Variants in SPATA13 observed in about 807,000 individuals in gnomAD.
The protein encoded by SPATA13 is spermatogenesis-associated protein 13.
Under a neutral mutation model 104.0 loss-of-function variants are expected in SPATA13, and 50 were observed. The observed-to-expected ratio is 0.48, with a 90% CI of 0.38 to 0.61. The LOEUF is 0.61. Ranked by LOEUF, SPATA13 falls within the 20% of genes least tolerant of loss-of-function variation. The probability of loss-of-function intolerance (pLI) is 0.00; values close to 1 mark genes in which losing one functional copy is unlikely to be tolerated. For synonymous variants in SPATA13, 606 were observed against 667.5 expected, an observed-to-expected ratio of 0.91 and a Z score of 1.42; for missense variants, 1,524 against 1,690.6, an observed-to-expected ratio of 0.90 and a Z score of 1.73.
chr13:24,041,960 T>A (rs750861589), intron 3 of SPATA13, among the ~76,000 whole-genome samples: 1 of 152,178 alleles, frequency 6.6e-6, no homozygotes, highest in Non-Finnish European at 1.5e-5. Flanking sequence ...CCTCATGCTG[T>A]TCGAAAAATG....
In SPATA13 at chr13:24,219,916, T is replaced by G. The variant is rs2031158; in HGVS notation, c.-111-2903T>G. ...CAGTTACCCCATTTGCAAGGAACTT[T>G]GCTGGTTTCAACCCTGAAAGTCCCA... is the stretch of plus-strand genomic sequence containing the variant. On this transcript the variant is annotated intron_variant, in intron 1 of 12. Transcript: ENST00000382108. Among the ~76,000 whole-genome samples, 2,531 of 152,318 alleles carry G rather than the reference T, an allele frequency of 0.017. 133 individuals carry two copies. The East Asian group carries it at 0.18, about 11-fold the overall frequency.
intron 1 of SPATA13, among the ~76,000 whole-genome samples, chr13:24,193,791 G>A (rs1869901907): frequency 6.6e-6 from 1 of 152,188 alleles, no homozygotes; most frequent in South Asian, 2.1e-4. Context: ...TCCTCAGTGA[G>A]CAATTGTTGG....
At chr13:24,280,468 T>C (rs1207725584) in intron 4 of SPATA13, among the ~76,000 whole-genome samples, 3 of 149,838 alleles carry the variant, frequency 2.0e-5, no homozygotes, top group Admixed American at 6.7e-5. Flanking sequence ...GAAGCCCCAA[T>C]GCCTTTATTT....
chr13:24,066,665 G>A (rs937456371), intron 3 of SPATA13, among the ~76,000 whole-genome samples: 1 of 152,136 alleles, frequency 6.6e-6, no homozygotes, highest in East Asian at 1.9e-4. Context: ...GGGCCAGGAG[G>A]GGTCTGTTTT....
chr13:24,213,023 C>G (rs1393058737), intron 1 of SPATA13, among the ~76,000 whole-genome samples: 2 of 152,250 alleles, frequency 1.3e-5, no homozygotes, highest in Non-Finnish European at 2.9e-5. Context: ...GAGGAAGTTA[C>G]AGTGATGACA....
At chr13:24,071,151 A>G (rs556771747) in intron 3 of SPATA13, among the ~76,000 whole-genome samples, 1 of 152,312 alleles carries the variant, frequency 6.6e-6, no homozygotes, top group Admixed American at 6.5e-5. Flanking sequence ...AAGCCCAGTC[A>G]TAAACTGCTT....
At chr13:23,997,882 A>G (rs980158518) in intron 2 of SPATA13, among the ~76,000 whole-genome samples, 4 of 152,156 alleles carry the variant, frequency 2.6e-5, no homozygotes, top group East Asian at 1.9e-4. Flanking sequence ...ACTAGGCCCC[A>G]TCTCCAACAC....
chr13:24,124,815 T>C (rs1303527577), intron 3 of SPATA13, among the ~76,000 whole-genome samples: 2 of 152,226 alleles, frequency 1.3e-5, no homozygotes, highest in East Asian at 1.9e-4. Flanking sequence ...ACATTCCACA[T>C]AGACTAGTCT....
intron 3 of SPATA13, among the ~76,000 whole-genome samples, chr13:24,102,213 C>T (rs937590752): frequency 2.6e-5 from 4 of 152,244 alleles, no homozygotes; most frequent in East Asian, 1.9e-4. Flanking sequence ...TTTTGATTTG[C>T]GTTTTGCTAA....
At position 24,305,653 on chromosome 13, in the gene SPATA13, A is replaced by G. The variant is rs551658468; in HGVS notation, c.*2880A>G. 2.6e-5 allele frequency: 4 copies of G among 152,334 alleles called. No homozygotes were observed. The highest frequency in any genetic ancestry group is 2.1e-4 in the South Asian group (1 of 4,832). The allele number at this position is 152,334 out of a possible 1,614,324, so 9.4% of individuals were successfully genotyped here. A position where few individuals can be genotyped will look rare whatever the true frequency, so the allele number is the denominator to read the frequency against. On this transcript the variant is annotated 3_prime_UTR_variant, in exon 13 of 13. Coordinates refer to ENST00000382108, the MANE Select transcript of SPATA13 (RefSeq NM_001166271.3). The stretch of plus-strand genomic sequence containing the variant: ...GGGAATCTTGCTCTCTCCCGCCTCT[A>G]TGCCTTTCTCTCTTTTTAACCTTAC...
intron 3 of SPATA13, among the ~76,000 whole-genome samples, chr13:24,133,298 G>C (rs1303541698): frequency 6.6e-6 from 1 of 152,202 alleles, no homozygotes; most frequent in Non-Finnish European, 1.5e-5. Flanking sequence ...GTGAGATTAA[G>C]TTCATCTGGT....
chr13:24,299,726 G>A (rs1052069866), intron 11 of SPATA13, among the ~76,000 whole-genome samples: 1 of 152,200 alleles, frequency 6.6e-6, no homozygotes, highest in African/African-American at 2.4e-5. Context: ...AAGGCTTCCC[G>A]CGGGAGAAGG....
chr13:23,982,875 C>T (rs1874966259), intron 1 of SPATA13, among the ~76,000 whole-genome samples: 1 of 152,182 alleles, frequency 6.6e-6, no homozygotes, highest in South Asian at 2.1e-4. Context: ...GGCTGGGTCT[C>T]CCACCAGCCC....
At chr13:24,097,801 G>A (rs1352298465) in intron 3 of SPATA13, among the ~76,000 whole-genome samples, 1 of 152,194 alleles carries the variant, frequency 6.6e-6, no homozygotes, top group Non-Finnish European at 1.5e-5. Context: ...TTTGAGAACA[G>A]CAGCTGGAGA....
At chr13:24,200,494 A>AC (rs142059718) in intron 1 of SPATA13, among the ~76,000 whole-genome samples, 3,162 of 152,052 alleles carry the variant, frequency 0.021, 105 homozygotes, top group African/African-American at 0.071. Context: ...TGAATGTCCC[A>AC]CCTCGTTCTC....
intron 3 of SPATA13, chr13:24,017,843 C>T (rs952464239): frequency 3.1e-6 from 1 of 322,748 alleles, no homozygotes; most frequent in African/African-American, 2.3e-5. Flanking sequence ...TTAAAATCAC[C>T]ACAAATTTGA....
intron 3 of SPATA13, among the ~76,000 whole-genome samples, chr13:24,060,641 C>T (rs563150210): frequency 1.3e-5 from 2 of 152,266 alleles, no homozygotes; most frequent in East Asian, 3.9e-4. Flanking sequence ...ACAGAATGAA[C>T]AGAAAACCTA....
intron 1 of SPATA13, among the ~76,000 whole-genome samples, chr13:24,185,864 G>C (rs574157026): frequency 6.6e-6 from 1 of 152,116 alleles, no homozygotes; most frequent in Admixed American, 6.5e-5. Flanking sequence ...TGATTGTGAA[G>C]CCTGGCAAGT....
intron 3 of SPATA13, among the ~76,000 whole-genome samples, chr13:24,078,395 G>A (rs1287756544): frequency 1.3e-5 from 2 of 152,192 alleles, no homozygotes; most frequent in East Asian, 3.8e-4. Flanking sequence ...GTAGCTCATT[G>A]AAGACTCACA....
Sources: allele counts gnomAD v4.1 joint callset (sites outside exome capture counted in the v4.1 genomes callset), GRCh38; gene constraint gnomAD v4.1.1; transcripts MANE v1.5; gene names NCBI Gene and HGNC (gene_info 2026-07-23, HGNC 2026-07-21).